The following RAP1GDS1 variants were observed in gnomAD, a reference collection of about 807,000 sequenced individuals.
RAP1GDS1 encodes RAP1, GTP-GDP dissociation stimulator 1.
Under a neutral mutation model 71.1 loss-of-function variants are expected in RAP1GDS1, and 35 were observed. That is an observed-to-expected ratio of 0.49 (90% CI 0.38 to 0.65). The LOEUF (loss-of-function observed/expected upper bound fraction) is 0.65, where lower values mean the gene tolerates loss of function less well. Among genes scored for constraint, RAP1GDS1 ranks in the 30% least tolerant of loss-of-function variants. The pLI is 0.00. For synonymous variants in RAP1GDS1, 229 were observed against 243.1 expected, an observed-to-expected ratio of 0.94 and a Z score of 0.54; for missense variants, 663 against 706.1, an observed-to-expected ratio of 0.94 and a Z score of 0.69.
In RAP1GDS1 at chr4:98,429,288, A is replaced by ATG. The variant is rs1171114523; in HGVS notation, c.1441-4644_1441-4643dup. On this transcript the variant is annotated intron_variant, in intron 12 of 14. Coordinates refer to ENST00000408927, the MANE Select transcript of RAP1GDS1 (RefSeq NM_001100427.2). The stretch of plus-strand genomic sequence containing the variant: ...AAAAAAAAAAAGAAAAGAAACTATG[A>ATG]TGTGTATATATATATATGATGGAAT... 4.6e-5 allele frequency among the ~76,000 whole-genome samples: 7 copies of ATG among 151,452 alleles called. No individual in the cohort carries two copies. The East Asian group carries it at 1.4e-3, about 29-fold the overall frequency.
At chr4:98,285,041 G>A (rs181848179) in intron 1 of RAP1GDS1, among the ~76,000 whole-genome samples, 3 of 152,202 alleles carry the variant, frequency 2.0e-5, no homozygotes, top group East Asian at 3.9e-4. Flanking sequence ...TGTGATTCCC[G>A]ATTCATAGAA....
chr4:98,311,710 C>A (rs1418272169), intron 2 of RAP1GDS1, among the ~76,000 whole-genome samples: 2 of 152,220 alleles, frequency 1.3e-5, no homozygotes, highest in African/African-American at 4.8e-5. Context: ...GATCCATGCT[C>A]ACGGCAGCGT....
intron 4 of RAP1GDS1, among the ~76,000 whole-genome samples, chr4:98,358,327 G>T (rs1738241209): frequency 6.6e-6 from 1 of 151,926 alleles, no homozygotes; most frequent in African/African-American, 2.4e-5. Context: ...ATTGTTTCTT[G>T]TACTAATCTT....
intron 1 of RAP1GDS1, among the ~76,000 whole-genome samples, chr4:98,278,216 A>G (rs916820779): frequency 1.3e-5 from 2 of 152,136 alleles, no homozygotes; most frequent in Non-Finnish European, 2.9e-5. Flanking sequence ...TAAAAAATGT[A>G]CAATACCCTA....
At chr4:98,405,918 A>C (rs1578763116) in intron 7 of RAP1GDS1, among the ~76,000 whole-genome samples, 1 of 152,228 alleles carries the variant, frequency 6.6e-6, no homozygotes, top group East Asian at 1.9e-4. Context: ...CATTTATGTG[A>C]TTTAAAATAT....
intron 4 of RAP1GDS1, among the ~76,000 whole-genome samples, chr4:98,368,219 T>A (rs550697170): frequency 5.3e-5 from 8 of 152,272 alleles, no homozygotes; most frequent in Admixed American, 2.0e-4. Flanking sequence ...CCATGTAAGA[T>A]GTGACTTGCT....
chr4:98,334,315 A>C (rs1053434025), intron 2 of RAP1GDS1, among the ~76,000 whole-genome samples: 1 of 152,104 alleles, frequency 6.6e-6, no homozygotes, highest in Non-Finnish European at 1.5e-5. Context: ...AAACAAAAAA[A>C]ACCTCTTTTA....
chr4:98,368,061 A>G (rs1003281380), intron 4 of RAP1GDS1, among the ~76,000 whole-genome samples: 7 of 152,082 alleles, frequency 4.6e-5, no homozygotes, highest in African/African-American at 1.7e-4. Flanking sequence ...TTTAATTCCC[A>G]TGTATTGTGG....
chr4:98,325,623 G>T (rs990361929), intron 2 of RAP1GDS1, among the ~76,000 whole-genome samples: 21 of 150,880 alleles, frequency 1.4e-4, no homozygotes, highest in South Asian at 2.1e-4. Context: ...TCCTTTGTAG[G>T]GACATGGATG....
intron 4 of RAP1GDS1, among the ~76,000 whole-genome samples, chr4:98,365,902 G>A (rs1739419051): frequency 6.6e-6 from 1 of 152,088 alleles, no homozygotes. Flanking sequence ...ATATTATCAT[G>A]TCCATGAGCA....
intron 2 of RAP1GDS1, among the ~76,000 whole-genome samples, chr4:98,336,217 A>G (rs981638703): frequency 6.6e-6 from 1 of 152,172 alleles, no homozygotes; most frequent in African/African-American, 2.4e-5. Context: ...TTGGTGAACA[A>G]TCTAGTTATA....
chr4:98,381,025 T>C (rs1741925478), intron 5 of RAP1GDS1, among the ~76,000 whole-genome samples: 1 of 151,576 alleles, frequency 6.6e-6, no homozygotes, highest in African/African-American at 2.4e-5. Context: ...TGTAGAGAAG[T>C]GTTCTGAGAA....
intron 4 of RAP1GDS1, among the ~76,000 whole-genome samples, chr4:98,354,342 G>A (rs937209652): frequency 5.9e-5 from 9 of 152,150 alleles, no homozygotes; most frequent in Non-Finnish European, 1.0e-4. Flanking sequence ...GATTACAGGC[G>A]TGAGCCACCG....
At chr4:98,287,010 A>G (rs138040018) in intron 1 of RAP1GDS1, among the ~76,000 whole-genome samples, 1,937 of 152,138 alleles carry the variant, frequency 0.013, 21 homozygotes, top group Non-Finnish European at 0.018. Context: ...AGTATAGCCC[A>G]TTTTAATAAA....
At position 98,293,514 on chromosome 4, in the gene RAP1GDS1, T is replaced by C. The variant is rs1560785554; in HGVS notation, c.111T>C (p.Asn37=). The change falls in exon 2 of 15, where the codon AAT becomes AAC. Residue 37 remains asparagine, a splice_region_variant and synonymous_variant. Coordinates refer to ENST00000408927, the MANE Select transcript of RAP1GDS1 (RefSeq NM_001100427.2). ...LDCLLQALAQ[N]NTETSEKIQA... ...GTCTGCTTCAAGCCCTGGCTCAAAA[T>C]AGTAAGTTTCATTATGTTTACTCAA... is the stretch of plus-strand genomic sequence containing the variant. The C allele has an allele frequency of 1.3e-6, 2 of 1,599,958 alleles. No individual in the cohort carries two copies. Among genetic ancestry groups the C allele is most frequent in the South Asian group, 1.1e-5 (1 of 88,532 alleles).
intron 12 of RAP1GDS1, among the ~76,000 whole-genome samples, chr4:98,424,785 A>C (rs75042988): frequency 6.8e-6 from 1 of 147,440 alleles, no homozygotes; most frequent in South Asian, 2.1e-4. Context: ...AAAAAAAAAA[A>C]ACAAAGAAAA....
At chr4:98,437,201 T>C in intron 14 of RAP1GDS1, 133 bp downstream of exon 14, 1 of 898,496 alleles carries the variant, frequency 1.1e-6, no homozygotes, top group East Asian at 3.1e-5. Context: ...ATAAGATAAC[T>C]TTTTTCCCCT....
chr4:98,312,357 T>A (rs563228557), intron 2 of RAP1GDS1, among the ~76,000 whole-genome samples: 1 of 152,308 alleles, frequency 6.6e-6, no homozygotes, highest in South Asian at 2.1e-4. Flanking sequence ...TTTTTAATGT[T>A]GATCCCTAAT....
chr4:98,409,830 A>G, intron 7 of RAP1GDS1: 1 of 238,640 alleles, frequency 4.2e-6, no homozygotes, highest in Non-Finnish European at 8.3e-6. Flanking sequence ...TTCCAGATAG[A>G]TTGACCTAAA....
Sources: gnomAD v4.1 joint callset for allele counts (sites outside exome capture counted in the v4.1 genomes callset) on GRCh38, gnomAD v4.1.1 for gene constraint, MANE v1.5 for transcripts, NCBI Gene and HGNC (gene_info 2026-07-23, HGNC 2026-07-21) for gene names.